The following SENP2 variants were observed in gnomAD, a reference collection of about 807,000 sequenced individuals.
The protein encoded by SENP2 is SUMO specific peptidase 2.
Under a neutral mutation model 86.3 loss-of-function variants are expected in SENP2, and 16 were observed. The ratio of observed to expected loss-of-function variants is 0.19; its 90% CI spans 0.13 to 0.28. The LOEUF (loss-of-function observed/expected upper bound fraction) is 0.28, where lower values mean the gene tolerates loss of function less well. Ranked by LOEUF, SENP2 falls within the 10% of genes least tolerant of loss-of-function variation. SENP2 has a pLI of 1.00. For synonymous variants in SENP2, 222 were observed against 238.7 expected (o/e 0.93, Z 0.64); for missense variants, 552 against 703.0 (o/e 0.79, Z 2.43).
At position 185,621,848 on chromosome 3, in the gene SENP2, G is replaced by T. The variant is rs750979824; in HGVS notation, c.1469G>T (p.Cys490Phe). 5 of 1,609,136 alleles carry T rather than the reference G, an allele frequency of 3.1e-6. No homozygotes were observed. The South Asian group carries it at 5.5e-5, about 18-fold the overall frequency. Residue 490 changes from cysteine to phenylalanine, a missense_variant, in exon 14 of 17, where the codon TGT becomes TTT. Cys to Phe is a radical substitution (Grantham distance 205). This residue lies in a region of SENP2 where 169 missense variants were observed against 275.7 expected (regional missense o/e 0.61). Coordinates refer to ENST00000296257, the MANE Select transcript of SENP2 (RefSeq NM_021627.3). Reference sequence around the variant, plus strand: ...TAGGTGATTGACCTAAGAAAAAAGTGTCTTAAATATCTGGATTCTATGGGA... The same window carrying T: ...TAGGTGATTGACCTAAGAAAAAAGTTTCTTAAATATCTGGATTCTATGGGA... ...SLVVIDLRKK[C>F]LKYLDSMGQK...
chr3:185,627,965 T>G (rs1323100079), intron 16 of SENP2, among the ~76,000 whole-genome samples: 1 of 151,518 alleles, frequency 6.6e-6, no homozygotes, highest in Non-Finnish European at 1.5e-5. Flanking sequence ...CCGTGCTGAA[T>G]TAATATAATT....
At chr3:185,600,231 T>G (rs896148270) in intron 4 of SENP2, among the ~76,000 whole-genome samples, 26 of 152,340 alleles carry the variant, frequency 1.7e-4, no homozygotes, top group African/African-American at 5.8e-4. Context: ...GGTAGATTTG[T>G]GCCTGAGATG....
In SENP2 at chr3:185,632,170, T is replaced by A. The variant is rs1428737734; in HGVS notation, c.*2326T>A. The A allele has an allele frequency of 6.6e-6, 1 of 151,738 alleles. No individual in the cohort carries two copies. The highest frequency in any genetic ancestry group is 1.5e-5 in the Non-Finnish European group (1 of 67,936). 9.4% of individuals were successfully genotyped at this position (151,738 alleles called of 1,614,324 possible). ...TTTAAGTGTTCAGTTGAAAAACAGC[T>A]ATTGATTTTATTAGTAGCAAATTAT... On this transcript the variant is annotated 3_prime_UTR_variant, in exon 17 of 17. Coordinates refer to ENST00000296257, the MANE Select transcript of SENP2 (RefSeq NM_021627.3).
intron 2 of SENP2, among the ~76,000 whole-genome samples, chr3:185,595,812 T>C (rs1485827784): frequency 6.6e-6 from 1 of 150,826 alleles, no homozygotes; most frequent in African/African-American, 2.4e-5. Context: ...TTTTTTTTTT[T>C]TTTTTTGAGA....
chr3:185,593,731 T>C (rs1468099923), intron 2 of SENP2, among the ~76,000 whole-genome samples: 1 of 58,766 alleles, frequency 1.7e-5, no homozygotes, highest in Non-Finnish European at 3.5e-5. Flanking sequence ...TTCATTTCTT[T>C]TTTTTTTTTT....
chr3:185,626,539 G>C (rs903827718), intron 16 of SENP2, 146 bp downstream of exon 16: 20 of 536,642 alleles, frequency 3.7e-5, no homozygotes, highest in Middle Eastern at 2.8e-4. Context: ...TTGGGAGGCC[G>C]AGGCGGGTGG....
chr3:185,589,614 C>T (rs4686682), intron 1 of SENP2, among the ~76,000 whole-genome samples: 43,846 of 152,094 alleles, frequency 0.29, 6,743 homozygotes, highest in African/African-American at 0.39. Context: ...AGTAAGTCTT[C>T]GCATGTGAAA....
chr3:185,611,605 G>T, intron 7 of SENP2, 46 bp from the exon 8 acceptor site: 1 of 1,246,164 alleles, frequency 8.0e-7, no homozygotes, highest in South Asian at 1.2e-5. Flanking sequence ...ATTAATGGTA[G>T]ACTTTGCTTT....
intron 3 of SENP2, 31 bp downstream of exon 3, chr3:185,598,576 C>A (rs991133415): frequency 6.3e-7 from 1 of 1,597,968 alleles, no homozygotes; most frequent in Admixed American, 1.7e-5. Context: ...ATTAGGAATA[C>A]TGATCTTTAT....
intron 2 of SENP2, among the ~76,000 whole-genome samples, chr3:185,596,022 G>T (rs1722162026): frequency 1.3e-5 from 2 of 152,048 alleles, no homozygotes; most frequent in African/African-American, 2.4e-5. Flanking sequence ...CTGGAGTACA[G>T]TGGTGCCATC....
intron 13 of SENP2, 136 bp downstream of exon 13, chr3:185,619,638 A>AT: frequency 2.0e-6 from 1 of 503,688 alleles, no homozygotes; most frequent in Non-Finnish European, 3.3e-6. Flanking sequence ...GTCTCTTTTT[A>AT]GTTTTTTTTT....
At position 185,609,219 on chromosome 3, in the gene SENP2, C is replaced by T. The variant is rs777981025; in HGVS notation, c.619-28C>T. ...TAATTATAAATTTAATGTGCTGGTA[C>T]TTATCTAACATGCTTTCTTTTATTT... On this transcript the variant is annotated intron_variant, in intron 6 of 16. Coordinates refer to ENST00000296257, the MANE Select transcript of SENP2 (RefSeq NM_021627.3). 40 of 1,506,570 alleles carry T rather than the reference C, an allele frequency of 2.7e-5. No individual in the cohort carries two copies. In the South Asian group the frequency reaches 4.3e-4, roughly 16 times the overall value. 93.3% of individuals were successfully genotyped at this position (1,506,570 alleles called of 1,614,324 possible).
chr3:185,613,091 C>T (rs1055756948), intron 9 of SENP2, among the ~76,000 whole-genome samples: 1 of 152,226 alleles, frequency 6.6e-6, no homozygotes, highest in Non-Finnish European at 1.5e-5. Context: ...CATGCGAATT[C>T]ATTTACATAC....
At chr3:185,611,809 T>C in intron 8 of SENP2, 64 bp downstream of exon 8, 1 of 1,146,736 alleles carries the variant, frequency 8.7e-7, no homozygotes. Context: ...AGTGTTCATA[T>C]GAGGTAGAAA....
intron 16 of SENP2, among the ~76,000 whole-genome samples, chr3:185,627,083 CAAAA>C (rs34406883): frequency 7.9e-5 from 6 of 75,542 alleles, no homozygotes; most frequent in Admixed American, 1.6e-4. Flanking sequence ...AACCCTGTCT[CAAAA>C]AAAAAAAAAA....
At chr3:185,601,470 T>A (rs566750876) in intron 5 of SENP2, among the ~76,000 whole-genome samples, 29 of 152,202 alleles carry the variant, frequency 1.9e-4, no homozygotes, top group Non-Finnish European at 3.1e-4. Context: ...GCTGAAATTA[T>A]AAGTGTACGT....
At chr3:185,617,167 A>G (rs745319812) in intron 11 of SENP2, among the ~76,000 whole-genome samples, 26 of 152,156 alleles carry the variant, frequency 1.7e-4, no homozygotes, top group African/African-American at 1.7e-4. Flanking sequence ...CTTTGTAGTT[A>G]TAAGTTAAAA....
At chr3:185,599,996 C>T (rs1241519012) in intron 4 of SENP2, among the ~76,000 whole-genome samples, 1 of 152,018 alleles carries the variant, frequency 6.6e-6, no homozygotes, top group Non-Finnish European at 1.5e-5. Flanking sequence ...TGGGTTTCTC[C>T]GTGTTGGTCA....
intron 1 of SENP2, among the ~76,000 whole-genome samples, chr3:185,588,680 A>G (rs563352906): frequency 9.2e-5 from 14 of 152,268 alleles, no homozygotes; most frequent in African/African-American, 2.9e-4. Flanking sequence ...TTTCTCTCCT[A>G]TCTTTCCGTT....
Sources: allele counts gnomAD v4.1 joint callset (sites outside exome capture counted in the v4.1 genomes callset), GRCh38; gene constraint gnomAD v4.1.1; regional missense constraint gnomAD v4.1.1; transcripts MANE v1.5; gene names NCBI Gene and HGNC (gene_info 2026-07-23, HGNC 2026-07-21).